TASP1: variants seen among roughly 807,000 people sequenced by gnomAD.
TASP1 encodes the protein threonine aspartase 1.
TASP1 carries 16 observed loss-of-function variants against 56.6 expected under a neutral mutation model. The ratio of observed to expected loss-of-function variants is 0.28; its 90% CI spans 0.19 to 0.43. The LOEUF (loss-of-function observed/expected upper bound fraction) is 0.43, where lower values mean the gene tolerates loss of function less well. TASP1 is among the 20% of genes least tolerant of loss of function. TASP1 has a pLI of 1.00. For synonymous variants in TASP1, 179 were observed against 184.2 expected (o/e 0.97, Z 0.23); for missense variants, 393 against 511.6 (o/e 0.77, Z 2.24).
chr20:13,356,771 T>A, the TASP1 span, among the ~76,000 whole-genome samples: 1 of 152,252 alleles, frequency 6.6e-6, no homozygotes, highest in South Asian at 2.1e-4. Flanking sequence ...TGAAACTCTA[T>A]CCATATCTGC....
intron 4 of TASP1, among the ~76,000 whole-genome samples, chr20:13,588,917 CAG>C (rs1430612388): frequency 6.6e-6 from 1 of 152,038 alleles, no homozygotes; most frequent in East Asian, 1.9e-4. Flanking sequence ...GTAATCAAGA[CAG>C]TGTAATATAG....
chr20:13,390,368 C>T lies in TASP1; in HGVS notation c.1255G>A (p.Val419Met), dbSNP rs2041226666. ...EGGVCRLESP[V>M]N ...ACACTCAGCCTGAAGGGTCAGTTCA[C>T]TGGGCTCTCCAGGCGGCACACCCCA... Residue 419 changes from valine (V) to methionine (M), a missense_variant, in exon 14 of 14, where the codon GTG (valine) becomes ATG (methionine). Physicochemically the swap from Val to Met is conservative, Grantham distance 21 (BLOSUM62 1). Coordinates refer to ENST00000337743, the MANE Select transcript of TASP1 (RefSeq NM_017714.3). 1 of 1,614,064 alleles carries T rather than the reference C, an allele frequency of 6.2e-7. No individual in the cohort carries two copies. The highest frequency in any genetic ancestry group is 1.6e-4 in the Middle Eastern group (1 of 6,062).
chr20:13,626,305 T>C (rs2048884861), intron 2 of TASP1, among the ~76,000 whole-genome samples: 1 of 152,096 alleles, frequency 6.6e-6, no homozygotes, highest in African/African-American at 2.4e-5. Flanking sequence ...CACATGCCTG[T>C]AATCCCAGCT....
chr20:13,221,973 G>T, the TASP1 span: 3 of 1,286,340 alleles, frequency 2.3e-6, no homozygotes, highest in South Asian at 4.7e-5. Flanking sequence ...TGGGGCGGGG[G>T]TGCTGAGCTA....
chr20:13,324,577 G>T, the TASP1 span, among the ~76,000 whole-genome samples: 1 of 152,190 alleles, frequency 6.6e-6, no homozygotes, highest in South Asian at 2.1e-4. Flanking sequence ...CTTTAATTAT[G>T]CCTTAATCAT....
intron 10 of TASP1, among the ~76,000 whole-genome samples, chr20:13,487,972 G>A (rs1469466448): frequency 7.9e-5 from 12 of 152,020 alleles, no homozygotes; most frequent in Admixed American, 3.9e-4. Flanking sequence ...ACAGGTCATT[G>A]TTTGCCTATC....
intron 11 of TASP1, among the ~76,000 whole-genome samples, chr20:13,455,575 G>A (rs1207854765): frequency 4.6e-5 from 7 of 152,054 alleles, no homozygotes; most frequent in African/African-American, 1.7e-4. Context: ...TGGGGACAAT[G>A]CCCCAAATAA....
At chr20:13,635,679 C>T (rs1322501571) in intron 1 of TASP1, among the ~76,000 whole-genome samples, 1 of 152,086 alleles carries the variant, frequency 6.6e-6, no homozygotes, top group African/African-American at 2.4e-5. Flanking sequence ...TAAGCCACCA[C>T]TCCCGGCCAA....
At chr20:13,587,510 T>A in intron 4 of TASP1, 140 bp from the exon 5 acceptor site, 1 of 620,316 alleles carries the variant, frequency 1.6e-6, no homozygotes. Context: ...CACCCTGATG[T>A]TAAAACATGA....
At chr20:13,425,552 T>C (rs1046931931) in intron 12 of TASP1, among the ~76,000 whole-genome samples, 15 of 152,314 alleles carry the variant, frequency 9.8e-5, no homozygotes, top group African/African-American at 2.6e-4. Context: ...CATCCCAGAC[T>C]TGCTTGCAAG....
At chr20:13,230,040 G>A in the TASP1 span, among the ~76,000 whole-genome samples, 10 of 152,174 alleles carry the variant, frequency 6.6e-5, no homozygotes, top group East Asian at 1.5e-3. Context: ...CATTTGTGCT[G>A]TTCCTTCATT....
chr20:13,221,463 C>A, the TASP1 span, among the ~76,000 whole-genome samples: 1 of 145,998 alleles, frequency 6.8e-6, no homozygotes, highest in African/African-American at 2.5e-5. Flanking sequence ...ACCCAGTCTC[C>A]GTCTCCGCCG....
At chr20:13,527,006 A>G (rs2045005919) in intron 10 of TASP1, among the ~76,000 whole-genome samples, 2 of 152,186 alleles carry the variant, frequency 1.3e-5, no homozygotes, top group South Asian at 4.1e-4. Context: ...AGATACAGAC[A>G]TGGAAGCCAA....
the TASP1 span, among the ~76,000 whole-genome samples, chr20:13,358,160 C>A: frequency 0.16 from 24,414 of 152,080 alleles, 2,102 homozygotes; most frequent in Admixed American, 0.22. Context: ...GAACAAACCC[C>A]CTTTGACTGT....
At chr20:13,270,669 T>C in the TASP1 span, 46,874 of 1,613,862 alleles carry the variant, frequency 0.029, 790 homozygotes, top group Middle Eastern at 0.045. Flanking sequence ...TTTCCCCAGA[T>C]CCTTTCTCCT....
At chr20:13,292,924 C>T in the TASP1 span, among the ~76,000 whole-genome samples, 3 of 152,106 alleles carry the variant, frequency 2.0e-5, no homozygotes, top group South Asian at 2.1e-4. Flanking sequence ...GGGCCAGGCG[C>T]GGTGGGTCAT....
the TASP1 span, among the ~76,000 whole-genome samples, chr20:13,306,030 T>C: frequency 6.6e-6 from 1 of 152,180 alleles, no homozygotes; most frequent in Non-Finnish European, 1.5e-5. Flanking sequence ...CTATCTGTTC[T>C]GGGAGTAATA....
intron 7 of TASP1, among the ~76,000 whole-genome samples, chr20:13,562,820 T>C (rs1468217761): frequency 6.7e-6 from 1 of 149,916 alleles, no homozygotes; most frequent in Non-Finnish European, 1.5e-5. Context: ...AAGGTTGCAG[T>C]GAGCCATGTT....
At chr20:13,170,859 G>T in the TASP1 span, among the ~76,000 whole-genome samples, 13 of 152,134 alleles carry the variant, frequency 8.5e-5, no homozygotes, top group African/African-American at 3.1e-4. Context: ...AATGTGTGGG[G>T]TTTTTTCCCA....
Sources: gnomAD v4.1 joint callset for allele counts (sites outside exome capture counted in the v4.1 genomes callset) on GRCh38, gnomAD v4.1.1 for gene constraint, MANE v1.5 for transcripts, NCBI Gene and HGNC (gene_info 2026-07-23, HGNC 2026-07-21) for gene names.